MCPH1: variants seen among roughly 807,000 people sequenced by gnomAD.
MCPH1 encodes the protein microcephalin.
MCPH1 carries 104 observed loss-of-function variants against 84.5 expected under a neutral mutation model. The ratio of observed to expected loss-of-function variants is 1.23; its 90% CI spans 1.05 to 1.45. The LOEUF (loss-of-function observed/expected upper bound fraction) is 1.45, where lower values mean the gene tolerates loss of function less well. Among genes scored for constraint, MCPH1 ranks in the 40% most tolerant of loss-of-function variants. MCPH1 has a pLI of 0.00. For synonymous variants in MCPH1, 514 were observed against 366.8 expected (o/e 1.40, Z -4.58); for missense variants, 1,498 against 1,005.7 (o/e 1.49, Z -6.62).
chr8:6,520,111 G>T (rs1029874891), intron 12 of MCPH1: 2 of 1,137,314 alleles, frequency 1.8e-6, no homozygotes, highest in Non-Finnish European at 1.2e-6. Context: ...TAAGCAAAAG[G>T]CTGTACCACT....
chr8:6,616,106 A>T (rs959704228), intron 12 of MCPH1: 1 of 152,182 alleles, frequency 6.6e-6, no homozygotes. Context: ...AGGTGACTTG[A>T]CTGTAAGGCC....
At chr8:6,596,222 G>A (rs1828914910) in intron 12 of MCPH1, among the ~76,000 whole-genome samples, 2 of 152,132 alleles carry the variant, frequency 1.3e-5, no homozygotes, top group African/African-American at 4.8e-5. Flanking sequence ...CCACGAACTG[G>A]CACTGTGCCT....
At chr8:6,450,144 C>G (rs1358604099) in intron 8 of MCPH1, among the ~76,000 whole-genome samples, 1 of 152,150 alleles carries the variant, frequency 6.6e-6, no homozygotes, top group African/African-American at 2.4e-5. Context: ...CTACCAGGGT[C>G]TTGTTCATCG....
intron 9 of MCPH1, among the ~76,000 whole-genome samples, chr8:6,460,551 A>G (rs1327138963): frequency 6.6e-6 from 1 of 152,050 alleles, no homozygotes; most frequent in Non-Finnish European, 1.5e-5. Flanking sequence ...TTCTCTGTCA[A>G]AATTATTAAT....
intron 9 of MCPH1, among the ~76,000 whole-genome samples, chr8:6,456,643 TG>T (rs1301170755): frequency 6.7e-6 from 1 of 148,862 alleles, no homozygotes; most frequent in Non-Finnish European, 1.5e-5. Context: ...TACTCTACGT[TG>T]TACCATGTCT....
At chr8:6,637,093 G>C (rs1797609427) in intron 13 of MCPH1, among the ~76,000 whole-genome samples, 1 of 152,216 alleles carries the variant, frequency 6.6e-6, no homozygotes, top group Admixed American at 6.5e-5. Flanking sequence ...CATGGTATCA[G>C]GTCATTCATT....
In MCPH1 at chr8:6,444,626, T is replaced by C. The variant is rs762154582; in HGVS notation, c.904T>C (p.Leu302=). 6.2e-7 allele frequency: 1 copy of C among 1,613,918 alleles called. No homozygotes were observed. The highest frequency in any genetic ancestry group is 8.5e-7 in the Non-Finnish European group (1 of 1,180,020). ...TAATCTTTCAAAGGAAGAAATAAAC[T>C]TGCAAAGAAATATTGCAGGTAAAGT... ...LSNLSKEEIN[L]QRNIAGKVVT... The change falls in exon 8 of 14, where the codon TTG becomes CTG. Residue 302 remains leucine, a synonymous_variant. Coordinates refer to ENST00000344683, the MANE Select transcript of MCPH1 (RefSeq NM_024596.5).
chr8:6,625,278 G>C, intron 13 of MCPH1: 1 of 985,376 alleles, frequency 1.0e-6, no homozygotes, highest in South Asian at 4.7e-5. Context: ...GAAACACAGA[G>C]AGCGCAAATG....
intron 13 of MCPH1, among the ~76,000 whole-genome samples, chr8:6,637,988 C>T (rs1393178707): frequency 6.6e-6 from 1 of 152,118 alleles, no homozygotes; most frequent in Non-Finnish European, 1.5e-5. Context: ...TCTGAGCTTC[C>T]AGAATGAGGC....
chr8:6,407,025 C>T (rs1409024489), intron 1 of MCPH1: 6 of 355,406 alleles, frequency 1.7e-5, no homozygotes, highest in African/African-American at 1.3e-4. Flanking sequence ...CTCAATCCCC[C>T]GCTGCCTGCT....
At chr8:6,613,429 G>A (rs549134252) in intron 12 of MCPH1, among the ~76,000 whole-genome samples, 1 of 152,268 alleles carries the variant, frequency 6.6e-6, no homozygotes, top group East Asian at 1.9e-4. Context: ...GACGTGGAGA[G>A]AAGGGCCAGG....
At chr8:6,427,981 C>T (rs1283576579) in intron 3 of MCPH1, among the ~76,000 whole-genome samples, 4 of 151,774 alleles carry the variant, frequency 2.6e-5, no homozygotes, top group South Asian at 2.1e-4. Flanking sequence ...TTAGTAGAGA[C>T]GGGGTTTCCC....
At chr8:6,529,684 C>T (rs1168546685) in intron 12 of MCPH1, among the ~76,000 whole-genome samples, 11 of 143,854 alleles carry the variant, frequency 7.6e-5, no homozygotes, top group African/African-American at 2.6e-4. Context: ...AAGCTGGTCT[C>T]GGACTCCTGA....
At chr8:6,478,745 T>C (rs73661775) in intron 10 of MCPH1, among the ~76,000 whole-genome samples, 19,574 of 152,210 alleles carry the variant, frequency 0.13, 1,363 homozygotes, top group Middle Eastern at 0.24. Flanking sequence ...TTTGTTTTTG[T>C]TTTCTTTTAT....
chr8:6,489,586 T>C (rs1301423933), intron 11 of MCPH1, among the ~76,000 whole-genome samples: 3 of 152,236 alleles, frequency 2.0e-5, no homozygotes, highest in Non-Finnish European at 4.4e-5. Context: ...ACTAGGGTTA[T>C]GTGTAATGGT....
intron 1 of MCPH1, among the ~76,000 whole-genome samples, chr8:6,408,251 CAG>C (rs1260237109): frequency 6.6e-6 from 1 of 152,226 alleles, no homozygotes; most frequent in East Asian, 1.9e-4. Context: ...ATTTATGAGA[CAG>C]AGTCTTACTC....
At chr8:6,442,453 C>T (rs1320397738) in intron 7 of MCPH1, among the ~76,000 whole-genome samples, 3 of 152,070 alleles carry the variant, frequency 2.0e-5, no homozygotes, top group Non-Finnish European at 2.9e-5. Context: ...GTTTAAACTA[C>T]ATAGAACTGA....
At chr8:6,474,568 G>T (rs748304930) in intron 9 of MCPH1, among the ~76,000 whole-genome samples, 4 of 152,100 alleles carry the variant, frequency 2.6e-5, no homozygotes, top group Admixed American at 6.5e-5. Flanking sequence ...GTTAAAAAAA[G>T]TTTGTCAGGT....
intron 12 of MCPH1, among the ~76,000 whole-genome samples, chr8:6,503,817 G>A (rs555291156): frequency 2.0e-5 from 3 of 152,312 alleles, no homozygotes; most frequent in South Asian, 4.1e-4. Flanking sequence ...TAAAGCCAGG[G>A]CAGGAGAGGT....
Sources: gnomAD v4.1 joint callset for allele counts (sites outside exome capture counted in the v4.1 genomes callset) on GRCh38, gnomAD v4.1.1 for gene constraint, MANE v1.5 for transcripts, NCBI Gene and HGNC (gene_info 2026-07-23, HGNC 2026-07-21) for gene names.